Variants in MATN4 observed in about 807,000 individuals in gnomAD.
MATN4 encodes the protein matrilin 4, also known as matrilin-4.
Under a neutral mutation model 54.6 loss-of-function variants are expected in MATN4, and 40 were observed. The ratio of observed to expected loss-of-function variants is 0.73; its 90% CI spans 0.57 to 0.95. The LOEUF is 0.95. MATN4 is among the 40% of genes least tolerant of loss of function. MATN4 has a pLI of 0.00. For missense variants in MATN4, 810 were observed against 819.1 expected, an observed-to-expected ratio of 0.99 and a Z score of 0.13; for synonymous variants, 351 against 345.3, an observed-to-expected ratio of 1.02 and a Z score of -0.18.
At chr20:45,306,101 G>C (rs865776062) in intron 1 of MATN4, among the ~76,000 whole-genome samples, 7 of 151,728 alleles carry the variant, frequency 4.6e-5, no homozygotes, top group South Asian at 2.1e-4. Flanking sequence ...CACCGCGCTC[G>C]GCCCACAAGA....
chr20:45,301,250 ATGTT>A, intron 4 of MATN4, 26 bp from the exon 5 acceptor site: 1 of 1,466,486 alleles, frequency 6.8e-7, no homozygotes, highest in Non-Finnish European at 9.2e-7. Context: ...AAACAGCAAG[ATGTT>A]GCCTCTGATT....
chr20:45,304,307 CG>C lies in MATN4; in HGVS notation c.563del (p.Pro188ArgfsTer2). On this transcript the variant is annotated frameshift_variant, in exon 3 of 10. Coordinates refer to ENST00000372756, the MANE Select transcript of MATN4 (RefSeq NM_001393530.1). LOFTEE classifies it high-confidence loss of function. Reference sequence around the variant, plus strand: ...CTACGAGGAAGACGTGCTCGTCTAGCGGGGGCGATGCCATGGCGCGCAGGGA... The same window carrying C: ...CTACGAGGAAGACGTGCTCGTCTAGCGGGGCGATGCCATGGCGCGCAGGGA... ...VGSLRAMASP[P>X]LDEHVFLVES... is the part of the protein sequence containing the mutation. 6.5e-7 allele frequency: 1 copy of C among 1,536,206 alleles called. No individual in the cohort carries two copies. Among genetic ancestry groups the C allele is most frequent in the Non-Finnish European group, 8.7e-7 (1 of 1,143,950 alleles).
At chr20:45,295,614 C>T (rs1015832400) in intron 8 of MATN4, among the ~76,000 whole-genome samples, 1 of 151,994 alleles carries the variant, frequency 6.6e-6, no homozygotes, top group African/African-American at 2.4e-5. Context: ...GTCTCGATCC[C>T]CTGACCTTGT....
intron 8 of MATN4, 24 bp from the exon 9 acceptor site, chr20:45,294,039 A>AG: frequency 6.4e-7 from 1 of 1,568,648 alleles, no homozygotes; most frequent in Non-Finnish European, 8.7e-7. Context: ...ACAGAGGGTC[A>AG]GGGGGATGAG....
intron 8 of MATN4, 133 bp from the exon 9 acceptor site, chr20:45,294,148 A>G (rs1237065219): frequency 2.9e-6 from 2 of 683,372 alleles, no homozygotes; most frequent in Admixed American, 3.2e-5. Flanking sequence ...GTCCCAAGCT[A>G]AGTAGCTGTG....
Position 45,293,737 on chromosome 20 carries a change from C to T in MATN4, c.*30G>A. 1 of 1,580,802 alleles carries T rather than the reference C, an allele frequency of 6.3e-7. No homozygotes were observed. Reference sequence around the variant, plus strand: ...AGGGGCACCGTCCGTGGTGCCGCGCCCCAGCCCGGGTCTGGGCCGTCCGTG... The same window carrying T: ...AGGGGCACCGTCCGTGGTGCCGCGCTCCAGCCCGGGTCTGGGCCGTCCGTG... On this transcript the variant is annotated 3_prime_UTR_variant, in exon 10 of 10. Coordinates refer to ENST00000372756, the MANE Select transcript of MATN4 (RefSeq NM_001393530.1).
chr20:45,301,521 T>C, intron 3 of MATN4, 78 bp from the exon 4 acceptor site: 3 of 1,477,888 alleles, frequency 2.0e-6, no homozygotes, highest in Non-Finnish European at 2.7e-6. Flanking sequence ...AAGGAAATTT[T>C]AAAGAATACC....
chr20:45,307,909 G>C (rs555227725), intron 1 of MATN4, among the ~76,000 whole-genome samples: 1 of 152,130 alleles, frequency 6.6e-6, no homozygotes, highest in South Asian at 2.1e-4. Context: ...AGCAAGGGAG[G>C]AGAGGCCTGT....
rs1463727925 is a variant in MATN4 at position 45,303,359 on chromosome 20, G to GCAA, written c.643+868_643+869insTTG. ...GAGAGCCAAAGAAGGTTCAGGAGCA[G>GCAA]TGAGATTGCAGGACAGGGATAGCTG... is the stretch of plus-strand genomic sequence containing the variant. On this transcript the variant is annotated intron_variant, in intron 3 of 9. Transcript: ENST00000372756. The GCAA allele has an allele frequency of 9.9e-6, 7 of 705,122 alleles. No individual in the cohort carries two copies. The African/African-American group carries it at 1.2e-4, about 12-fold the overall frequency. 43.7% of individuals were successfully genotyped at this position (705,122 alleles called of 1,614,324 possible). A position where few individuals can be genotyped will look rare whatever the true frequency, so the allele number is the denominator to read the frequency against.
chr20:45,303,936 T>A lies in MATN4; in HGVS notation c.643+292A>T, dbSNP rs545289243. Reference sequence around the variant, plus strand: ...ACTCTTTGGAGCAGCCGATCCCTCTTAGCTTTGAGAATCACTGGTTCCGTG... The same window carrying A: ...ACTCTTTGGAGCAGCCGATCCCTCTAAGCTTTGAGAATCACTGGTTCCGTG... On this transcript the variant is annotated intron_variant, in intron 3 of 9. Coordinates refer to ENST00000372756, the MANE Select transcript of MATN4 (RefSeq NM_001393530.1). 5.3e-5 allele frequency among the ~76,000 whole-genome samples: 8 copies of A among 152,316 alleles called. No individual in the cohort carries two copies. The South Asian group carries it at 6.2e-4, about 12-fold the overall frequency.
rs558475018 is a variant in MATN4 at position 45,304,567 on chromosome 20, G to C, written c.304C>G (p.Arg102Gly). Residue 102 changes from arginine (R) to glycine (G), a missense_variant, in exon 3 of 10, where the codon CGC becomes GGC. Arg to Gly is a moderately radical substitution (Grantham distance 125). Coordinates refer to ENST00000372756, the MANE Select transcript of MATN4 (RefSeq NM_001393530.1). Reference protein sequence around the residue: ...SRREDMERAIRDLVPLAQGTM... With the variant: ...SRREDMERAIGDLVPLAQGTM... ...CCTTGCGCCAGAGGCACCAGGTCGCGGATGGCGCGCTCCATGTCCTCGCGG... is the reference window on the plus strand; with the variant it reads ...CCTTGCGCCAGAGGCACCAGGTCGCCGATGGCGCGCTCCATGTCCTCGCGG... 35 of 1,597,566 alleles carry C rather than the reference G, an allele frequency of 2.2e-5. No individual in the cohort carries two copies. The East Asian group carries it at 6.8e-4, about 31-fold the overall frequency.
chr20:45,297,907 G>A lies in MATN4; in HGVS notation c.1579+11C>T. On this transcript the variant is annotated intron_variant, in intron 8 of 9. Transcript: ENST00000372756. ...GAGAGAGAGGAGGAGCCCCGAGAGA[G>A]ATGCGCTCACCTGGACAGATGCTGC... 1 of 1,614,066 alleles carries A rather than the reference G, an allele frequency of 6.2e-7. No individual in the cohort carries two copies. The highest frequency in any genetic ancestry group is 2.2e-5 in the East Asian group (1 of 44,874).
intron 3 of MATN4, among the ~76,000 whole-genome samples, chr20:45,302,068 T>C (rs961748447): frequency 6.6e-5 from 10 of 152,220 alleles, no homozygotes; most frequent in East Asian, 5.8e-4. Context: ...TGCCCCTGCA[T>C]ACACAAGTGT....
rs1423378089 is a variant in MATN4, at chr20:45,300,897, C to G, written c.1002G>C (p.Lys334Asn). 1 of 1,612,944 alleles carries G rather than the reference C, an allele frequency of 6.2e-7. No homozygotes were observed. The highest frequency in any genetic ancestry group is 8.5e-7 in the Non-Finnish European group (1 of 1,180,032). Residue 334 changes from lysine to asparagine, a missense_variant, in exon 6 of 10, where the codon AAG (lysine) becomes AAC (asparagine). Physicochemically the swap from Lys to Asn is moderately conservative, Grantham distance 94. Transcript: ENST00000372756. ...CCGCCCATCACTCACGGTTGCAGCT[C>G]TTGCCATCTGCCTGAAGTTGCCGCC... ...PEGRQLQADG[K>N]SCNRCREGHV...
Position 45,304,462 on chromosome 20 carries a change from G to C in MATN4, c.409C>G (p.Arg137Gly). The change falls in exon 3 of 10, where the codon CGC becomes GGC. Residue 137 changes from arginine (R) to glycine (G), a missense_variant. Arg to Gly is a moderately radical substitution (Grantham distance 125). Coordinates refer to ENST00000372756, the MANE Select transcript of MATN4 (RefSeq NM_001393530.1). ...ACGATGACAGCGACACGCGGCACGC[G>C]CTCCTCTGGCGGTCGCGCGCCCTCG... The part of the protein sequence containing the change: ...VAEGARPPEE[R>G]VPRVAVIVTD... 1 of 1,563,396 alleles carries C rather than the reference G, an allele frequency of 6.4e-7. No individual in the cohort carries two copies. The highest frequency in any genetic ancestry group is 8.7e-7 in the Non-Finnish European group (1 of 1,147,822).
At chr20:45,295,364 GA>G (rs925594051) in intron 8 of MATN4, among the ~76,000 whole-genome samples, 13 of 152,184 alleles carry the variant, frequency 8.5e-5, no homozygotes, top group Non-Finnish European at 1.8e-4. Context: ...TGCTGAATTA[GA>G]AAATCTAGAG....
chr20:45,293,910 T>C lies in MATN4; in HGVS notation c.1685A>G (p.Asn562Ser), dbSNP rs763516798. 7 of 1,604,030 alleles carry C rather than the reference T, an allele frequency of 4.4e-6. No homozygotes were observed. The East Asian group carries it at 1.6e-4, about 36-fold the overall frequency. ...TLGALESLTL[N>S]LAQLTARLED... The stretch of plus-strand genomic sequence containing the variant: ...GCGCCACCAGCCCCAAAGGATATGG[T>C]TCAGCGTCAGGCTCTCGAGCGCCCC... Residue 562 changes from asparagine (N) to serine (S), a missense_variant and splice_region_variant, in exon 9 of 10, where the codon AAC becomes AGC. Physicochemically the swap from Asn to Ser is conservative, Grantham distance 46. Transcript: ENST00000372756.
At chr20:45,308,323 C>A (rs962055105), upstream of MATN4, 24 of 1,031,846 alleles carry the variant, frequency 2.3e-5, no homozygotes, top group South Asian at 3.1e-4. Context: ...GCAACGGCCG[C>A]ATTTAACCCA....
intron 6 of MATN4, 150 bp downstream of exon 6, chr20:45,300,737 G>T: frequency 1.2e-6 from 1 of 860,468 alleles, no homozygotes; most frequent in East Asian, 2.6e-5. Flanking sequence ...GATGGAAGGA[G>T]GGAATGGCAC....
Sources: gnomAD v4.1 joint callset for allele counts (sites outside exome capture counted in the v4.1 genomes callset) on GRCh38, gnomAD v4.1.1 for gene constraint, MANE v1.5 for transcripts, NCBI Gene and HGNC (gene_info 2026-07-23, HGNC 2026-07-21) for gene names.